The following NCAM2 variants were observed in gnomAD, a reference collection of about 807,000 sequenced individuals.
NCAM2 encodes neural cell adhesion molecule 2.
In NCAM2, 30 loss-of-function variants were observed where a neutral mutation model predicts 98.1. The observed-to-expected ratio is 0.31, with a 90% CI of 0.23 to 0.41. The LOEUF is 0.41. Ranked by LOEUF, NCAM2 falls within the 10% of genes least tolerant of loss-of-function variation. NCAM2 has a pLI of 1.00. For synonymous variants in NCAM2, 368 were observed against 342.4 expected (o/e 1.07, Z -0.83); for missense variants, 867 against 1,005.8 (o/e 0.86, Z 1.87).
rs1480790693 is a variant in NCAM2 at position 21,538,002 on chromosome 21, G to C, written c.*45G>C. On this transcript the variant is annotated 3_prime_UTR_variant, in exon 18 of 18. Coordinates refer to ENST00000400546, the MANE Select transcript of NCAM2 (RefSeq NM_004540.5). ...TGAACAACACTACGAAGAGTATTTG[G>C]ATTGCGTGACCCTATGACCAAAACT... The C allele has an allele frequency of 8.5e-7, 1 of 1,180,034 alleles. No homozygotes were observed. Among genetic ancestry groups the C allele is most frequent in the Non-Finnish European group, 1.2e-6 (1 of 838,472 alleles). 73.1% of individuals were successfully genotyped at this position (1,180,034 alleles called of 1,614,324 possible). A position where few individuals can be genotyped will look rare whatever the true frequency, so the allele number is the denominator to read the frequency against.
chr21:21,473,392 A>ATG (rs1167679987), intron 14 of NCAM2, among the ~76,000 whole-genome samples: 1 of 139,204 alleles, frequency 7.2e-6, no homozygotes, highest in African/African-American at 2.6e-5. Context: ...ATATATATAT[A>ATG]TTATATATAA....
intron 1 of NCAM2, among the ~76,000 whole-genome samples, chr21:21,033,014 G>A (rs138361015): frequency 5.9e-4 from 89 of 150,794 alleles, no homozygotes; most frequent in African/African-American, 2.1e-3. Context: ...GTATGATCTC[G>A]GCTAACTGCA....
intron 3 of NCAM2, among the ~76,000 whole-genome samples, chr21:21,285,925 G>T (rs1054963418): frequency 1.3e-5 from 2 of 151,874 alleles, no homozygotes; most frequent in Non-Finnish European, 2.9e-5. Flanking sequence ...CGGTGCAAAT[G>T]CCCTGTGGTG....
At chr21:21,520,038 T>G (rs1301934880) in intron 16 of NCAM2, among the ~76,000 whole-genome samples, 1 of 152,136 alleles carries the variant, frequency 6.6e-6, no homozygotes, top group Non-Finnish European at 1.5e-5. Context: ...TAAATTACTA[T>G]ATATCTTACA....
intron 1 of NCAM2, among the ~76,000 whole-genome samples, chr21:21,016,709 C>T (rs2064316878): frequency 6.6e-6 from 1 of 152,070 alleles, no homozygotes. Context: ...GCTTGAGCTT[C>T]TTTAATACCT....
chr21:21,288,425 G>A (rs2073178940), intron 4 of NCAM2, among the ~76,000 whole-genome samples: 1 of 151,634 alleles, frequency 6.6e-6, no homozygotes, highest in Non-Finnish European at 1.5e-5. Flanking sequence ...ATGTGTTTAG[G>A]TTATATCTAG....
At chr21:21,096,410 A>C (rs1386207508) in intron 1 of NCAM2, among the ~76,000 whole-genome samples, 1 of 151,758 alleles carries the variant, frequency 6.6e-6, no homozygotes, top group Non-Finnish European at 1.5e-5. Context: ...GAAAACTTAC[A>C]ATTGTTCTGT....
At chr21:21,393,429 T>C (rs1424253497) in intron 9 of NCAM2, among the ~76,000 whole-genome samples, 1 of 152,198 alleles carries the variant, frequency 6.6e-6, no homozygotes. Flanking sequence ...CGATCAATGC[T>C]AAAACGGTTG....
intron 1 of NCAM2, among the ~76,000 whole-genome samples, chr21:21,001,565 A>T (rs1225210428): frequency 1.3e-5 from 2 of 152,224 alleles, no homozygotes; most frequent in Non-Finnish European, 2.9e-5. Context: ...TCAAATTTCC[A>T]AACTGTTGTA....
intron 5 of NCAM2, among the ~76,000 whole-genome samples, chr21:21,298,746 T>C (rs2073592084): frequency 6.6e-6 from 1 of 151,660 alleles, no homozygotes; most frequent in South Asian, 2.1e-4. Context: ...TCTCTATTTC[T>C]CTTTTACTCA....
At chr21:21,148,123 A>G (rs2067341587) in intron 1 of NCAM2, among the ~76,000 whole-genome samples, 1 of 152,134 alleles carries the variant, frequency 6.6e-6, no homozygotes, top group African/African-American at 2.4e-5. Flanking sequence ...GGGAAGGGCC[A>G]TGTGCTTTAT....
At chr21:21,434,781 C>T (rs1017623783) in intron 12 of NCAM2, among the ~76,000 whole-genome samples, 17 of 152,190 alleles carry the variant, frequency 1.1e-4, no homozygotes, top group Non-Finnish European at 2.2e-4. Flanking sequence ...TTTAATTTTG[C>T]ATTCACATTG....
intron 12 of NCAM2, among the ~76,000 whole-genome samples, chr21:21,443,017 A>G (rs1265684564): frequency 2.0e-5 from 3 of 152,154 alleles, no homozygotes; most frequent in African/African-American, 7.2e-5. Context: ...ATTTAGTGCT[A>G]TAAATTTTCC....
At position 21,151,634 on chromosome 21, in the gene NCAM2, T is replaced by G. The variant is rs117824031; in HGVS notation, c.56-128944T>G. Among the ~76,000 whole-genome samples, 1,060 of 152,170 alleles carry G rather than the reference T, an allele frequency of 7.0e-3. 8 individuals are homozygous for G. Among genetic ancestry groups the G allele is most frequent in the East Asian group, 0.04 (208 of 5,178 alleles). On this transcript the variant is annotated intron_variant, in intron 1 of 17. Coordinates refer to ENST00000400546, the MANE Select transcript of NCAM2 (RefSeq NM_004540.5). ...ATACACGTACAGGATTTTTATGTCTTTCTTGTGAAATGATTCTTATTATTT... is the reference window on the plus strand; with the variant it reads ...ATACACGTACAGGATTTTTATGTCTGTCTTGTGAAATGATTCTTATTATTT...
intron 15 of NCAM2, among the ~76,000 whole-genome samples, chr21:21,486,460 A>T (rs928660160): frequency 1.3e-5 from 2 of 152,146 alleles, no homozygotes; most frequent in Non-Finnish European, 2.9e-5. Flanking sequence ...TTATTAAATA[A>T]CTATCATTGC....
At chr21:21,076,304 ATAAACT>A (rs528503210) in intron 1 of NCAM2, among the ~76,000 whole-genome samples, 67 of 152,314 alleles carry the variant, frequency 4.4e-4, no homozygotes, top group East Asian at 3.3e-3. Flanking sequence ...TTACTAAAAA[ATAAACT>A]TAAACAAAAA....
At chr21:21,134,828 C>A (rs1186595001) in intron 1 of NCAM2, among the ~76,000 whole-genome samples, 2 of 151,894 alleles carry the variant, frequency 1.3e-5, no homozygotes, top group African/African-American at 4.8e-5. Flanking sequence ...ATCCTCCCAC[C>A]TCAGCCTCCT....
At chr21:21,176,606 T>A (rs369332412) in intron 1 of NCAM2, among the ~76,000 whole-genome samples, 1 of 151,960 alleles carries the variant, frequency 6.6e-6, no homozygotes. Context: ...AAAATAAGAG[T>A]CAAAATATTT....
Position 21,056,625 on chromosome 21 carries a change from A to G in NCAM2, c.55+58007A>G, listed in dbSNP as rs1053528099. On this transcript the variant is annotated intron_variant, in intron 1 of 17. Coordinates refer to ENST00000400546, the MANE Select transcript of NCAM2 (RefSeq NM_004540.5). ...ATCACAAAGACGATTACTTCTCCTA[A>G]AGAAAAAACAGAGGTGTGACATGGC... Among the ~76,000 whole-genome samples the G allele has an allele frequency of 7.9e-5, 12 of 151,802 alleles. No individual in the cohort carries two copies. The East Asian group carries it at 2.3e-3, about 29-fold the overall frequency.
Sources: allele counts gnomAD v4.1 joint callset (sites outside exome capture counted in the v4.1 genomes callset), GRCh38; gene constraint gnomAD v4.1.1; transcripts MANE v1.5; gene names NCBI Gene and HGNC (gene_info 2026-07-23, HGNC 2026-07-21).